The following PCDHGA11 variants were observed in gnomAD, a reference collection of about 807,000 sequenced individuals.
The protein encoded by PCDHGA11 is protocadherin gamma-A11.
In PCDHGA11, 39 loss-of-function variants were observed where a neutral mutation model predicts 60.4. That is an observed-to-expected ratio of 0.65 (90% CI 0.50 to 0.84). The LOEUF (loss-of-function observed/expected upper bound fraction) is 0.84. Ranked by LOEUF, PCDHGA11 falls within the 40% of genes least tolerant of loss-of-function variation. The probability of loss-of-function intolerance (pLI) is 0.00; values close to 1 mark genes in which losing one functional copy is unlikely to be tolerated. For synonymous variants in PCDHGA11, 533 were observed against 510.3 expected (o/e 1.04, Z -0.60); for missense variants, 1,165 against 1,197.7 (o/e 0.97, Z 0.40).
At chr5:141,428,882 T>C in intron 1 of PCDHGA11, 1 of 151,216 alleles carries the variant, frequency 6.6e-6, no homozygotes, top group African/African-American at 2.4e-5. Context: ...TTGGACGGAG[T>C]CTCGCTCTGT....
In PCDHGA11 at chr5:141,476,857, C is replaced by G. The variant is rs201408987; in HGVS notation, c.2434-17950C>G. The G allele has an allele frequency of 3.1e-6, 5 of 1,613,886 alleles. No individual in the cohort carries two copies. Among genetic ancestry groups the G allele is most frequent in the Non-Finnish European group, 4.2e-6 (5 of 1,180,046 alleles). On this transcript the variant is annotated intron_variant, in intron 1 of 3. Coordinates refer to ENST00000398587, the MANE Select transcript of PCDHGA11 (RefSeq NM_018914.3). This position sits in a 1 kb window ranked among gnomAD's most constrained non-coding sequence, Gnocchi z 7.6. Reference sequence around the variant, plus strand: ...ACAATGCGCCTGTCTTCAACCAGTCCTTGTACCGGGCGCGCGTCCTGGAGG... The same window carrying G: ...ACAATGCGCCTGTCTTCAACCAGTCGTTGTACCGGGCGCGCGTCCTGGAGG...
chr5:141,460,296 C>T (rs1443273958), intron 1 of PCDHGA11, among the ~76,000 whole-genome samples: 1 of 151,924 alleles, frequency 6.6e-6, no homozygotes, highest in Non-Finnish European at 1.5e-5. Context: ...TTCTTATGTC[C>T]TATTCAAAAA....
At position 141,432,688 on chromosome 5, in the gene PCDHGA11, A is replaced by G. The variant is rs143889434; in HGVS notation, c.2433+9028A>G. On this transcript the variant is annotated intron_variant, in intron 1 of 3. Coordinates refer to ENST00000398587, the MANE Select transcript of PCDHGA11 (RefSeq NM_018914.3). The surrounding 1 kb of genome is among the most constrained non-coding windows in gnomAD (Gnocchi z 6.0). ...GAGACGCGCTCAAGCAGAGCCTCGT[A>G]GTGGCCGTCCAGGACCACGGCCAGC... 2,218 of 1,613,894 alleles carry G rather than the reference A, an allele frequency of 1.4e-3. 31 individuals are homozygous for G. The African/African-American group carries it at 0.023, about 17-fold the overall frequency.
rs1001412632 is a variant in PCDHGA11, at chr5:141,493,097, A to G, written c.2434-1710A>G. On this transcript the variant is annotated intron_variant, in intron 1 of 3. Transcript: ENST00000398587. The surrounding 1 kb of genome is among the most constrained non-coding windows in gnomAD (Gnocchi z 4.3). ...AACTCCAGGAGCTTTTATTCAAAAT[A>G]TATCAATGCCTAACTCTGCTCCTAG... Among the ~76,000 whole-genome samples, 1 of 152,224 alleles carries G rather than the reference A, an allele frequency of 6.6e-6. No homozygotes were observed. The highest frequency in any genetic ancestry group is 2.4e-5 in the African/African-American group (1 of 41,456).
Position 141,432,917 on chromosome 5 carries a change from C to A in PCDHGA11, c.2433+9257C>A. 6.2e-7 allele frequency: 1 copy of A among 1,614,166 alleles called. No homozygotes were observed. Among genetic ancestry groups the A allele is most frequent in the South Asian group, 1.1e-5 (1 of 91,086 alleles). On this transcript the variant is annotated intron_variant, in intron 1 of 3. Transcript: ENST00000398587. This position sits in a 1 kb window ranked among gnomAD's most constrained non-coding sequence, Gnocchi z 6.0. The stretch of plus-strand genomic sequence containing the variant: ...GCTGGCGCTCAGGCTGCGGCGCTGG[C>A]ACAAGTCACGCCTGCTGCAGGCTTC...
intron 1 of PCDHGA11, among the ~76,000 whole-genome samples, chr5:141,454,796 A>AT (rs61612330): frequency 0.026 from 2,045 of 77,400 alleles, 387 homozygotes; most frequent in East Asian, 0.04. Flanking sequence ...CATGGTTCTA[A>AT]TTTTTTTTTT....
intron 1 of PCDHGA11, among the ~76,000 whole-genome samples, chr5:141,436,613 A>C (rs1334315821): frequency 1.3e-5 from 2 of 152,206 alleles, no homozygotes; most frequent in Non-Finnish European, 2.9e-5. Flanking sequence ...AGGGCTAACA[A>C]AAATCTGATT....
At chr5:141,449,667 G>A (rs540415333) in intron 1 of PCDHGA11, among the ~76,000 whole-genome samples, 1 of 150,824 alleles carries the variant, frequency 6.6e-6, no homozygotes, top group South Asian at 2.1e-4. Context: ...ACACCCAAGT[G>A]TGTATGTATA....
In PCDHGA11 at chr5:141,485,111, G is replaced by C. The variant is rs2099607127; in HGVS notation, c.2434-9696G>C. On this transcript the variant is annotated intron_variant, in intron 1 of 3. Coordinates refer to ENST00000398587, the MANE Select transcript of PCDHGA11 (RefSeq NM_018914.3). The surrounding 1 kb of genome is among the most constrained non-coding windows in gnomAD (Gnocchi z 5.7). The stretch of plus-strand genomic sequence containing the variant: ...ATAGGTGTCTCCAGCTGCTGTGGCT[G>C]TTTGGGGCGGGTCGGCTTCATCCGC... 5.4e-6 allele frequency: 7 copies of C among 1,287,562 alleles called. No individual in the cohort carries two copies. The highest frequency in any genetic ancestry group is 7.8e-6 in the Non-Finnish European group (7 of 899,436). 79.8% of individuals were successfully genotyped at this position (1,287,562 alleles called of 1,614,324 possible). A position where few individuals can be genotyped will look rare whatever the true frequency, so the allele number is the denominator to read the frequency against.
At chr5:141,504,364 G>A (rs764741297) in intron 2 of PCDHGA11, among the ~76,000 whole-genome samples, 2 of 152,116 alleles carry the variant, frequency 1.3e-5, no homozygotes, top group African/African-American at 2.4e-5. Flanking sequence ...GCTTCAGTAG[G>A]AAGCAGGTGG....
Position 141,485,966 on chromosome 5 carries a change from A to T in PCDHGA11, c.2434-8841A>T. ...AGCGGGCATGGTGCTCATCCAGCTC[A>T]ATGCCTCAGACCCGGACCTGGGTCC... On this transcript the variant is annotated intron_variant, in intron 1 of 3. Coordinates refer to ENST00000398587, the MANE Select transcript of PCDHGA11 (RefSeq NM_018914.3). The surrounding 1 kb of genome is among the most constrained non-coding windows in gnomAD (Gnocchi z 5.7). 1 of 1,614,168 alleles carries T rather than the reference A, an allele frequency of 6.2e-7. No individual in the cohort carries two copies. Among genetic ancestry groups the T allele is most frequent in the Non-Finnish European group, 8.5e-7 (1 of 1,179,988 alleles).
chr5:141,439,297 G>T (rs1252051365), intron 1 of PCDHGA11, among the ~76,000 whole-genome samples: 1 of 152,064 alleles, frequency 6.6e-6, no homozygotes, highest in African/African-American at 2.4e-5. Context: ...CATGGAAAAA[G>T]TAAAGCCCAG....
At chr5:141,448,573 A>AT (rs976781630) in intron 1 of PCDHGA11, among the ~76,000 whole-genome samples, 10 of 151,772 alleles carry the variant, frequency 6.6e-5, no homozygotes, top group East Asian at 5.8e-4. Flanking sequence ...TTATTTCCCC[A>AT]TTTTTTTTAC....
chr5:141,430,939 G>A, intron 1 of PCDHGA11: 1 of 1,607,854 alleles, frequency 6.2e-7, no homozygotes, highest in South Asian at 1.1e-5. Flanking sequence ...GGGAGCTCGC[G>A]GAGCGCGGAG....
At chr5:141,452,490 C>A (rs2098742307) in intron 1 of PCDHGA11, among the ~76,000 whole-genome samples, 1 of 152,188 alleles carries the variant, frequency 6.6e-6, no homozygotes, top group East Asian at 1.9e-4. Flanking sequence ...TAAACACACC[C>A]ATATTTATAT....
rs774271747 is a variant in PCDHGA11 at position 141,485,866 on chromosome 5, C to A, written c.2434-8941C>A. On this transcript the variant is annotated intron_variant, in intron 1 of 3. Coordinates refer to ENST00000398587, the MANE Select transcript of PCDHGA11 (RefSeq NM_018914.3). The surrounding 1 kb of genome is among the most constrained non-coding windows in gnomAD (Gnocchi z 5.7). Reference sequence around the variant, plus strand: ...CTGGCACCGCAGAGCTCCGGGTATCCGTGCTGGACGTAAACGACAACGCCC... The same window carrying A: ...CTGGCACCGCAGAGCTCCGGGTATCAGTGCTGGACGTAAACGACAACGCCC... 2 of 1,614,144 alleles carry A rather than the reference C, an allele frequency of 1.2e-6. No homozygotes were observed. Among genetic ancestry groups the A allele is most frequent in the South Asian group, 1.1e-5 (1 of 91,074 alleles).
chr5:141,431,239 G>A lies in PCDHGA11; in HGVS notation c.2433+7579G>A. 6.2e-7 allele frequency: 1 copy of A among 1,614,152 alleles called. No homozygotes were observed. The highest frequency in any genetic ancestry group is 1.3e-5 in the African/African-American group (1 of 75,062). On this transcript the variant is annotated intron_variant, in intron 1 of 3. Transcript: ENST00000398587. This position sits in a 1 kb window ranked among gnomAD's most constrained non-coding sequence, Gnocchi z 4.8. ...TCCCTCTACCCCACGCCTGGGATCC[G>A]GATATCGGGAAGAACTCTCTGCAGA...
At position 141,486,873 on chromosome 5, in the gene PCDHGA11, G is replaced by A. The variant is rs769661146; in HGVS notation, c.2434-7934G>A. On this transcript the variant is annotated intron_variant, in intron 1 of 3. Transcript: ENST00000398587. This position sits in a 1 kb window ranked among gnomAD's most constrained non-coding sequence, Gnocchi z 5.0. ...AATGACAATGCTCCAGCTGTGCTCCGTCCTCGGGCCCGGCCTGGTTCCTTA... is the reference window on the plus strand; with the variant it reads ...AATGACAATGCTCCAGCTGTGCTCCATCCTCGGGCCCGGCCTGGTTCCTTA... 1.6e-5 allele frequency: 26 copies of A among 1,614,082 alleles called. No individual in the cohort carries two copies. Among genetic ancestry groups the A allele is most frequent in the African/African-American group, 4.0e-5 (3 of 74,922 alleles).
chr5:141,475,978 G>C, intron 1 of PCDHGA11: 1 of 1,010,712 alleles, frequency 9.9e-7, no homozygotes, highest in Non-Finnish European at 1.4e-6. Context: ...AGACTGAACA[G>C]CCGGCGAGCA....
Sources: allele counts gnomAD v4.1 joint callset (sites outside exome capture counted in the v4.1 genomes callset), GRCh38; gene constraint gnomAD v4.1.1; non-coding constraint Gnocchi (gnomAD v3.1); transcripts MANE v1.5; gene names NCBI Gene and HGNC (gene_info 2026-07-23, HGNC 2026-07-21).